Variants in HDC observed in about 807,000 individuals in gnomAD.
HDC encodes histidine decarboxylase.
A neutral mutation model predicts 64.4 loss-of-function variants in HDC; 27 were observed. That is an observed-to-expected ratio of 0.42 (90% confidence interval 0.31 to 0.58). HDC has a LOEUF of 0.58. Ranked by LOEUF, HDC falls within the 20% of genes least tolerant of loss-of-function variation. The pLI, the probability that HDC is intolerant of heterozygous loss-of-function variation, is 0.16. For missense variants in HDC, 711 were observed against 833.9 expected, an observed-to-expected ratio of 0.85 and a Z score of 1.81; for synonymous variants, 305 against 314.2, an observed-to-expected ratio of 0.97 and a Z score of 0.31.
intron 10 of HDC, among the ~76,000 whole-genome samples, 199 bp from the exon 11 acceptor site, chr15:50,243,443 T>C (rs1010814072): frequency 6.6e-6 from 1 of 152,228 alleles, no homozygotes; most frequent in African/African-American, 2.4e-5. Context: ...CCCTGTTTCC[T>C]GTCACATGGG....
At position 50,242,501 on chromosome 15, in the gene HDC, C is replaced by T. The variant is rs777905414; in HGVS notation, c.1748G>A (p.Arg583His). The change falls in exon 12 of 12, where the codon CGC (arginine) becomes CAC (histidine). Residue 583 changes from arginine (R) to histidine (H), a missense_variant. By Grantham distance (29) the Arg-to-His change is conservative. Around this residue, in one of 3 missense-constraint regions of HDC, gnomAD observed 483 missense variants for 540.9 expected, o/e 0.89. Transcript: ENST00000267845. Reference sequence around the variant, plus strand: ...TGGCACACTGTTGCAACTGAGGGAGCGCACCGTCTTCTTCTTAGTCTGCAC... The same window carrying T: ...TGGCACACTGTTGCAACTGAGGGAGTGCACCGTCTTCTTCTTAGTCTGCAC... The part of the protein sequence containing the change: ...LSVQTKKKTV[R>H]SLSCNSVPVS... 3.1e-6 allele frequency: 5 copies of T among 1,614,106 alleles called. No homozygotes were observed. The highest frequency in any genetic ancestry group is 2.2e-5 in the East Asian group (1 of 44,878).
chr15:50,255,693 G>A (rs977924354), intron 4 of HDC, among the ~76,000 whole-genome samples: 3 of 152,064 alleles, frequency 2.0e-5, no homozygotes, highest in African/African-American at 7.2e-5. Context: ...CCAGCTACGT[G>A]GGAGGCTGAG....
At chr15:50,257,586 G>A in intron 3 of HDC, 39 bp from the exon 4 acceptor site, 1 of 1,612,464 alleles carries the variant, frequency 6.2e-7, no homozygotes. Flanking sequence ...CACAGCCCCA[G>A]GGCACTGAGG....
chr15:50,263,153 C>G (rs1595712704), intron 2 of HDC, 82 bp downstream of exon 2: 2 of 1,442,718 alleles, frequency 1.4e-6, no homozygotes, highest in East Asian at 4.5e-5. Context: ...CAAGCTGACC[C>G]AAAGCAGGTC....
Position 50,257,662 on chromosome 15 carries a change from G to A in HDC, c.319-115C>T, listed in dbSNP as rs147599133. ...GTCAATGGGAACATTTCTGGAGAAGGGGTCATGTTAGGCCACGTGCCTCTC... is the reference window on the plus strand; with the variant it reads ...GTCAATGGGAACATTTCTGGAGAAGAGGTCATGTTAGGCCACGTGCCTCTC... On this transcript the variant is annotated intron_variant, in intron 3 of 11. Transcript: ENST00000267845. 484 of 1,260,950 alleles carry A rather than the reference G, an allele frequency of 3.8e-4. 1 individual carries two copies. In the African/African-American group the frequency reaches 6.5e-3, roughly 17 times the overall value. 78.1% of individuals were successfully genotyped at this position (1,260,950 alleles called of 1,614,324 possible). A position where few individuals can be genotyped will look rare whatever the true frequency, so the allele number is the denominator to read the frequency against.
At chr15:50,251,374 A>G (rs1219876628) in intron 9 of HDC, among the ~76,000 whole-genome samples, 1 of 152,210 alleles carries the variant, frequency 6.6e-6, no homozygotes, top group Non-Finnish European at 1.5e-5. Flanking sequence ...ACGTGTTCCC[A>G]TTTAAGCTTC....
intron 1 of HDC, among the ~76,000 whole-genome samples, chr15:50,263,628 C>A (rs942461979): frequency 2.6e-5 from 4 of 152,100 alleles, no homozygotes; most frequent in African/African-American, 9.7e-5. Context: ...GGTCAAACCC[C>A]TCTCTACTAA....
chr15:50,251,261 C>G (rs886676420), intron 9 of HDC, among the ~76,000 whole-genome samples: 3 of 152,254 alleles, frequency 2.0e-5, no homozygotes, highest in African/African-American at 7.2e-5. Context: ...TGCCTAACCA[C>G]TGTCCTAACA....
intron 2 of HDC, among the ~76,000 whole-genome samples, chr15:50,261,451 G>C (rs2045701272): frequency 6.6e-6 from 1 of 152,090 alleles, no homozygotes; most frequent in Non-Finnish European, 1.5e-5. Context: ...TTGTGAAATA[G>C]GCTGAATGGT....
rs1450120467 is a variant in HDC, at chr15:50,248,308, A to G, written c.1077T>C (p.Ser359=). The G allele has an allele frequency of 6.2e-7, 1 of 1,614,214 alleles. No homozygotes were observed. Among genetic ancestry groups the G allele is most frequent in the Non-Finnish European group, 8.5e-7 (1 of 1,180,000 alleles). The change falls in exon 10 of 12, where the codon TCT becomes TCC. Residue 359 remains serine, a synonymous_variant. Transcript: ENST00000267845. This position sits in a 1 kb window ranked among gnomAD's most constrained non-coding sequence, Gnocchi z 4.3. ...WQIPLSRRFR[S]VKLWFVIRSF... Reference sequence around the variant, plus strand: ...ACCGAATCACGAACCAGAGTTTAACAGAGCGAAACCGTCGGCTCAGGGGGA... The same window carrying G: ...ACCGAATCACGAACCAGAGTTTAACGGAGCGAAACCGTCGGCTCAGGGGGA...
At chr15:50,260,979 A>G (rs1200223355) in intron 2 of HDC, among the ~76,000 whole-genome samples, 2 of 152,230 alleles carry the variant, frequency 1.3e-5, no homozygotes, top group Non-Finnish European at 2.9e-5. Flanking sequence ...GGCACTGAGC[A>G]AAATGAGTAA....
In HDC at chr15:50,265,719, G is replaced by A; in HGVS notation, c.-96C>T. On this transcript the variant is annotated 5_prime_UTR_variant, in exon 1 of 12. Coordinates refer to ENST00000267845, the MANE Select transcript of HDC (RefSeq NM_002112.4). ...GCCCGGCTTCCCTCTTGCCAGTCCT[G>A]CGCACTCCCTGGCAGCCAGTGTGGG... 1 of 1,128,738 alleles carries A rather than the reference G, an allele frequency of 8.9e-7. No individual in the cohort carries two copies. Among genetic ancestry groups the A allele is most frequent in the East Asian group, 2.4e-5 (1 of 42,530 alleles). 69.9% of individuals were successfully genotyped at this position (1,128,738 alleles called of 1,614,324 possible).
At position 50,242,748 on chromosome 15, in the gene HDC, C is replaced by T. The variant is rs766896051; in HGVS notation, c.1501G>A (p.Ala501Thr). The change falls in exon 12 of 12, where the codon GCC becomes ACC. Residue 501 changes from alanine (A) to threonine (T), a missense_variant. Transcript: ENST00000267845. ...ACAGACTGAAGGGACGTTCCACAGG[C>T]CCAGGCTCTGGCACCCCTGATTTGG... ...ISQIRGARAW[A>T]CGTSLQSVSG... 2 of 1,613,994 alleles carry T rather than the reference C, an allele frequency of 1.2e-6. No homozygotes were observed. Among genetic ancestry groups the T allele is most frequent in the Non-Finnish European group, 1.7e-6 (2 of 1,180,024 alleles).
chr15:50,258,585 C>T (rs184862158), intron 2 of HDC, 68 bp from the exon 3 acceptor site: 7 of 882,090 alleles, frequency 7.9e-6, no homozygotes, highest in Middle Eastern at 2.9e-4. Flanking sequence ...TCTCCAGAGA[C>T]CATCTCTGGC....
intron 3 of HDC, among the ~76,000 whole-genome samples, 166 bp from the exon 4 acceptor site, chr15:50,257,713 A>T (rs2140938889): frequency 6.6e-6 from 1 of 152,294 alleles, no homozygotes; most frequent in South Asian, 2.1e-4. Context: ...TGTCAACCAA[A>T]AGAGAAAATA....
At chr15:50,264,979 C>T (rs749200598) in intron 1 of HDC, among the ~76,000 whole-genome samples, 11 of 152,186 alleles carry the variant, frequency 7.2e-5, no homozygotes, top group Non-Finnish European at 1.0e-4. Flanking sequence ...AATAAGCTAA[C>T]GCACACTAAT....
At position 50,257,529 on chromosome 15, in the gene HDC, T is replaced by C. The variant is rs2045648642; in HGVS notation, c.337A>G (p.Thr113Ala). 1 of 1,614,148 alleles carries C rather than the reference T, an allele frequency of 6.2e-7. No homozygotes were observed. Among genetic ancestry groups the C allele is most frequent in the Non-Finnish European group, 8.5e-7 (1 of 1,179,970 alleles). Residue 113 changes from threonine to alanine, a missense_variant, in exon 4 of 12, where the codon ACA becomes GCA. Physicochemically the swap from Thr to Ala is moderately conservative, Grantham distance 58 (BLOSUM62 0). Transcript: ENST00000267845. Reference protein sequence around the residue: ...GFTWASSPACTELEMNVMDWL... With the variant: ...GFTWASSPACAELEMNVMDWL... ...TCCATGACGTTCATCTCCAGCTCTG[T>C]ACACGCAGGGCTGGATGCCTGAGAA...
In HDC at chr15:50,242,936, G is replaced by T; in HGVS notation, c.1313C>A (p.Ala438Asp). Residue 438 changes from alanine to aspartate, a missense_variant, in exon 12 of 12, where the codon GCC (alanine) becomes GAC (aspartate). By Grantham distance (126) the Ala-to-Asp change is moderately radical (BLOSUM62 -2). Around this residue, in one of 3 missense-constraint regions of HDC, gnomAD observed 483 missense variants for 540.9 expected, o/e 0.89. Coordinates refer to ENST00000267845, the MANE Select transcript of HDC (RefSeq NM_002112.4). ...GATGATTAACTTGTCCTGGATAGTG[G>T]CCGGGATGAGGAAGAGACGGCCAGC... ...AKAGRLFLIP[A>D]TIQDKLIIRF... 1.9e-6 allele frequency: 3 copies of T among 1,614,084 alleles called. No homozygotes were observed. Among genetic ancestry groups the T allele is most frequent in the Non-Finnish European group, 2.5e-6 (3 of 1,179,958 alleles).
intron 2 of HDC, among the ~76,000 whole-genome samples, chr15:50,259,866 T>A (rs1167302610): frequency 6.6e-6 from 1 of 152,144 alleles, no homozygotes; most frequent in Non-Finnish European, 1.5e-5. Context: ...TCCTGGACAG[T>A]GTGTATAGTA....
Sources: gnomAD v4.1 joint callset for allele counts (sites outside exome capture counted in the v4.1 genomes callset) on GRCh38, gnomAD v4.1.1 for gene constraint, gnomAD v4.1.1 regional missense constraint, Gnocchi (gnomAD v3.1) non-coding constraint, MANE v1.5 for transcripts, NCBI Gene and HGNC (gene_info 2026-07-23, HGNC 2026-07-21) for gene names.